The following RELN variants were observed in gnomAD, a reference collection of about 807,000 sequenced individuals.
RELN encodes the protein reelin.
A neutral mutation model predicts 427.6 loss-of-function variants in RELN; 108 were observed. The ratio of observed to expected loss-of-function variants is 0.25; its 90% CI spans 0.22 to 0.30. The LOEUF (loss-of-function observed/expected upper bound fraction) is 0.30, where lower values mean the gene tolerates loss of function less well. RELN is among the 10% of genes least tolerant of loss of function. RELN has a pLI of 1.00. For synonymous variants in RELN, 1,524 were observed against 1,513.4 expected, an observed-to-expected ratio of 1.01 and a Z score of -0.16; for missense variants, 3,715 against 4,302.8, an observed-to-expected ratio of 0.86 and a Z score of 3.82.
intron 2 of RELN, among the ~76,000 whole-genome samples, chr7:103,905,963 A>T (rs2116634294): frequency 6.6e-6 from 1 of 152,260 alleles, no homozygotes; most frequent in East Asian, 1.9e-4. Flanking sequence ...TTTGCCCCAG[A>T]GACCGAGCCA....
intron 24 of RELN, among the ~76,000 whole-genome samples, chr7:103,602,996 G>A (rs1045406661): frequency 1.3e-5 from 2 of 152,028 alleles, no homozygotes; most frequent in African/African-American, 2.4e-5. Context: ...CCTTCCCTAC[G>A]CAAACTTCCT....
At chr7:103,728,265 T>C (rs895952982) in intron 6 of RELN, 58 bp from the exon 7 acceptor site, 5 of 1,472,062 alleles carry the variant, frequency 3.4e-6, no homozygotes, top group African/African-American at 2.8e-5. Context: ...CGTGGTTTAC[T>C]GCTCAGGTAA....
chr7:103,593,152 C>T (rs1480594311), intron 27 of RELN, among the ~76,000 whole-genome samples: 3 of 152,114 alleles, frequency 2.0e-5, no homozygotes, highest in African/African-American at 7.2e-5. Flanking sequence ...GGTTCTGAAA[C>T]AAGACCTTGT....
chr7:103,716,979 C>T (rs986100147), intron 8 of RELN, among the ~76,000 whole-genome samples: 8 of 151,936 alleles, frequency 5.3e-5, no homozygotes, highest in Non-Finnish European at 7.4e-5. Flanking sequence ...TAGTACAGTC[C>T]CCCCAAAATG....
intron 53 of RELN, 132 bp from the exon 54 acceptor site, chr7:103,498,384 T>TA (rs1232396901): frequency 2.5e-6 from 2 of 792,148 alleles, no homozygotes; most frequent in Middle Eastern, 3.2e-4. Context: ...CAAAGATGTT[T>TA]AAAAAAGGCT....
chr7:103,520,678 G>A (rs1829678690), intron 48 of RELN, among the ~76,000 whole-genome samples: 1 of 152,146 alleles, frequency 6.6e-6, no homozygotes, highest in Admixed American at 6.5e-5. Flanking sequence ...TCACACTTTA[G>A]CAGAATTTAA....
chr7:103,731,839 T>G (rs1212284248), intron 6 of RELN, among the ~76,000 whole-genome samples: 3 of 152,136 alleles, frequency 2.0e-5, no homozygotes, highest in Non-Finnish European at 4.4e-5. Context: ...GAAACATTAA[T>G]TTTAACAAGA....
At chr7:103,564,593 C>T (rs1480371848) in intron 34 of RELN, among the ~76,000 whole-genome samples, 2 of 152,116 alleles carry the variant, frequency 1.3e-5, no homozygotes, top group Non-Finnish European at 2.9e-5. Context: ...CCTTATCTCT[C>T]CCCTCCATTC....
chr7:103,505,011 ACTCT>A (rs1829160853), intron 51 of RELN, among the ~76,000 whole-genome samples: 1 of 151,998 alleles, frequency 6.6e-6, no homozygotes, highest in South Asian at 2.1e-4. Context: ...GCCAACTGCC[ACTCT>A]AGATTCCTCC....
chr7:103,640,405 A>C lies in RELN; in HGVS notation c.2069+138T>G, dbSNP rs942542496. 6 of 784,208 alleles carry C rather than the reference A, an allele frequency of 7.7e-6. No individual in the cohort carries two copies. In the African/African-American group the frequency reaches 1.0e-4, roughly 13 times the overall value. 48.6% of individuals were successfully genotyped at this position (784,208 alleles called of 1,614,324 possible). Reference sequence around the variant, plus strand: ...TTAAAAATACATTTGAATTACACTTAAGTTCTAATAGAAATATCCAACTTT... The same window carrying C: ...TTAAAAATACATTTGAATTACACTTCAGTTCTAATAGAAATATCCAACTTT... On this transcript the variant is annotated intron_variant, in intron 17 of 64. Transcript: ENST00000428762. The surrounding 1 kb of genome is among the most constrained non-coding windows in gnomAD (Gnocchi z 4.1).
chr7:103,820,357 CAA>C (rs1467158991), intron 3 of RELN, among the ~76,000 whole-genome samples: 1 of 152,048 alleles, frequency 6.6e-6, no homozygotes, highest in African/African-American at 2.4e-5. Context: ...GTCCCACACA[CAA>C]ATTCATTCCA....
At chr7:103,740,296 T>C (rs944643494) in intron 6 of RELN, among the ~76,000 whole-genome samples, 32 of 152,248 alleles carry the variant, frequency 2.1e-4, no homozygotes, top group African/African-American at 6.8e-4. Flanking sequence ...TCATAACTGC[T>C]ACACTTGTGT....
At chr7:103,878,593 C>G (rs866392840) in intron 2 of RELN, among the ~76,000 whole-genome samples, 5 of 152,044 alleles carry the variant, frequency 3.3e-5, no homozygotes, top group Non-Finnish European at 7.4e-5. Context: ...AATGCAGGCT[C>G]TGGCACACTG....
chr7:103,503,255 A>G, intron 51 of RELN, 25 bp from the exon 52 acceptor site: 1 of 1,603,724 alleles, frequency 6.2e-7, no homozygotes, highest in Middle Eastern at 1.7e-4. Flanking sequence ...AACAAGATCA[A>G]GGTATTAAAA....
Position 103,573,512 on chromosome 7 carries a change from T to A in RELN, c.4511+580A>T, listed in dbSNP as rs564095032. On this transcript the variant is annotated intron_variant, in intron 30 of 64. Transcript: ENST00000428762. This position sits in a 1 kb window ranked among gnomAD's most constrained non-coding sequence, Gnocchi z 4.4. ...GGACCCCAGATTTTGTGAGGAGGTC[T>A]AAAAATTTTAAACATTTTCTCTATT... Among the ~76,000 whole-genome samples the A allele has an allele frequency of 2.0e-5, 3 of 152,328 alleles. No homozygotes were observed. In the East Asian group the frequency reaches 5.8e-4, roughly 29 times the overall value.
intron 20 of RELN, among the ~76,000 whole-genome samples, chr7:103,627,148 C>A (rs1043768217): frequency 2.6e-5 from 4 of 151,954 alleles, no homozygotes; most frequent in African/African-American, 9.7e-5. Flanking sequence ...TAATTTAACA[C>A]CAGCCATTTG....
At chr7:103,833,872 T>G (rs1033730659) in intron 2 of RELN, among the ~76,000 whole-genome samples, 200 bp from the exon 3 acceptor site, 1 of 152,234 alleles carries the variant, frequency 6.6e-6, no homozygotes, top group Non-Finnish European at 1.5e-5. Flanking sequence ...AGGAGTGACC[T>G]GCTGGAATCA....
At chr7:103,496,426 A>T in intron 56 of RELN, 100 bp downstream of exon 56, 1 of 1,471,402 alleles carries the variant, frequency 6.8e-7, no homozygotes, top group Non-Finnish European at 9.5e-7. Flanking sequence ...AGTATGGGCT[A>T]GGCACTCTTA....
chr7:103,577,605 G>A (rs922075767), intron 28 of RELN, among the ~76,000 whole-genome samples: 3 of 151,500 alleles, frequency 2.0e-5, no homozygotes, highest in African/African-American at 7.3e-5. Flanking sequence ...ACGGACCTTG[G>A]GAAAATTCCT....
Sources: gnomAD v4.1 joint callset for allele counts (sites outside exome capture counted in the v4.1 genomes callset) on GRCh38, gnomAD v4.1.1 for gene constraint, Gnocchi (gnomAD v3.1) non-coding constraint, MANE v1.5 for transcripts, NCBI Gene and HGNC (gene_info 2026-07-23, HGNC 2026-07-21) for gene names.